MED12L: variants seen among roughly 807,000 people sequenced by gnomAD.
The protein encoded by MED12L is mediator complex subunit 12L.
MED12L carries 60 observed loss-of-function variants against 281.3 expected under a neutral mutation model. That is an observed-to-expected ratio of 0.21 (90% CI 0.17 to 0.26). The LOEUF (loss-of-function observed/expected upper bound fraction) is 0.26, where lower values mean the gene tolerates loss of function less well. MED12L is among the 10% of genes least tolerant of loss of function. The probability of loss-of-function intolerance (pLI) is 1.00; values close to 1 mark genes in which losing one functional copy is unlikely to be tolerated. For synonymous variants in MED12L, 974 were observed against 987.2 expected (o/e 0.99, Z 0.25); for missense variants, 2,146 against 2,680.9 (o/e 0.80, Z 4.41).
intron 11 of MED12L, among the ~76,000 whole-genome samples, chr3:151,183,862 TG>T (rs1722973530): frequency 6.6e-6 from 1 of 152,244 alleles, no homozygotes. Flanking sequence ...AGCATATTAC[TG>T]CTTAGATTAA....
intron 31 of MED12L, among the ~76,000 whole-genome samples, chr3:151,379,687 C>T (rs1267782881): frequency 6.6e-6 from 1 of 152,122 alleles, no homozygotes; most frequent in East Asian, 1.9e-4. Flanking sequence ...GCTCAACAGA[C>T]ATATATATAG....
intron 16 of MED12L, among the ~76,000 whole-genome samples, chr3:151,222,087 G>C (rs1559896725): frequency 6.6e-6 from 1 of 152,228 alleles, no homozygotes; most frequent in Non-Finnish European, 1.5e-5. Context: ...CTGTCCTGCT[G>C]GATTTTGGAC....
At chr3:151,391,222 A>G (rs1714193854) in intron 38 of MED12L, among the ~76,000 whole-genome samples, 1 of 152,206 alleles carries the variant, frequency 6.6e-6, no homozygotes, top group East Asian at 1.9e-4. Context: ...GTAAATTGTA[A>G]TAGTTATATA....
intron 20 of MED12L, 68 bp from the exon 21 acceptor site, chr3:151,360,404 TAA>T (rs1754468456): frequency 1.4e-6 from 2 of 1,429,998 alleles, no homozygotes; most frequent in South Asian, 1.3e-5. Flanking sequence ...ATTTTCATTC[TAA>T]AAGAGTCAAA....
intron 16 of MED12L, among the ~76,000 whole-genome samples, chr3:151,260,112 G>A (rs1160075240): frequency 6.6e-6 from 1 of 152,168 alleles, no homozygotes; most frequent in African/African-American, 2.4e-5. Flanking sequence ...CCATTGGTGG[G>A]CTTAGGGTAG....
chr3:151,374,425 G>C (rs79795513), intron 27 of MED12L, among the ~76,000 whole-genome samples: 9,382 of 152,216 alleles, frequency 0.062, 428 homozygotes, highest in Middle Eastern at 0.18. Flanking sequence ...GCACATGCCT[G>C]TCATCCCAGC....
intron 2 of MED12L, among the ~76,000 whole-genome samples, chr3:151,099,301 C>G (rs1256982574): frequency 6.6e-6 from 1 of 152,186 alleles, no homozygotes; most frequent in African/African-American, 2.4e-5. Context: ...ACTTTCTGCT[C>G]TTGGGAGTCT....
chr3:151,251,619 C>G (rs1577127774), intron 16 of MED12L, among the ~76,000 whole-genome samples: 2 of 152,146 alleles, frequency 1.3e-5, no homozygotes, highest in East Asian at 3.9e-4. Context: ...GATTTGACAC[C>G]TCTTCTTCCA....
At chr3:151,294,966 A>T (rs764066681) in intron 16 of MED12L, 1 of 1,614,030 alleles carries the variant, frequency 6.2e-7, no homozygotes, top group East Asian at 2.2e-5. Context: ...CGAAATGGAA[A>T]TGTCAGCGTC....
chr3:151,288,003 G>T (rs1378507814), intron 16 of MED12L, among the ~76,000 whole-genome samples: 1 of 152,092 alleles, frequency 6.6e-6, no homozygotes, highest in Non-Finnish European at 1.5e-5. Flanking sequence ...TCCCAAATTT[G>T]GTTGGTACCT....
intron 21 of MED12L, among the ~76,000 whole-genome samples, chr3:151,362,071 T>C (rs935614443): frequency 6.6e-6 from 1 of 151,940 alleles, no homozygotes; most frequent in Non-Finnish European, 1.5e-5. Flanking sequence ...GTATCCAGTT[T>C]GTAAATTCTG....
At chr3:151,403,407 A>G (rs1238998191) in intron 39 of MED12L, among the ~76,000 whole-genome samples, 1 of 152,180 alleles carries the variant, frequency 6.6e-6, no homozygotes, top group African/African-American at 2.4e-5. Context: ...AATGCATGGC[A>G]TGCTGATTCA....
rs187603652 is a variant in MED12L at position 151,122,646 on chromosome 3, G to C, written c.205-137G>C. ...GGAAATCACATCTCTTGGCTTCAAA[G>C]ACTTAAATTCCCAATTTATTTTCTG... On this transcript the variant is annotated intron_variant, in intron 3 of 44. Transcript: ENST00000687756. The C allele has an allele frequency of 5.8e-5, 35 of 603,720 alleles. 1 individual carries two copies. Among genetic ancestry groups the C allele is most frequent in the Admixed American group, 5.4e-4 (15 of 27,716 alleles). The allele number at this position is 603,720 out of a possible 1,614,324, so 37.4% of individuals were successfully genotyped here.
intron 39 of MED12L, among the ~76,000 whole-genome samples, chr3:151,403,306 G>C (rs1199287652): frequency 6.6e-6 from 1 of 152,116 alleles, no homozygotes; most frequent in Non-Finnish European, 1.5e-5. Context: ...ACATAGACCA[G>C]TTCGTGCACC....
chr3:151,095,922 A>G (rs1185479513), intron 2 of MED12L, among the ~76,000 whole-genome samples: 2 of 152,182 alleles, frequency 1.3e-5, no homozygotes, highest in Non-Finnish European at 2.9e-5. Flanking sequence ...GCATGTTGAG[A>G]TAAGCATATA....
intron 16 of MED12L, chr3:151,294,496 A>G: frequency 6.2e-7 from 1 of 1,614,194 alleles, no homozygotes; most frequent in Non-Finnish European, 8.5e-7. Flanking sequence ...TGCTCTGGTT[A>G]TGTTTTCGCT....
chr3:151,127,657 A>G (rs1199267120), intron 4 of MED12L, among the ~76,000 whole-genome samples, 168 bp from the exon 5 acceptor site: 3 of 152,188 alleles, frequency 2.0e-5, no homozygotes, highest in Admixed American at 2.0e-4. Flanking sequence ...ATGTTCCTTT[A>G]AAAAAACAAA....
chr3:151,398,186 T>G (rs1476054007), intron 39 of MED12L, among the ~76,000 whole-genome samples: 1 of 152,224 alleles, frequency 6.6e-6, no homozygotes, highest in African/African-American at 2.4e-5. Context: ...CCACACACCC[T>G]TCTCATAGCT....
rs188706479 is a variant in MED12L at position 151,220,207 on chromosome 3, C to T, written c.2250+26541C>T. Among the ~76,000 whole-genome samples, 628 of 150,700 alleles carry T rather than the reference C, an allele frequency of 4.2e-3. 2 individuals carry two copies. Among genetic ancestry groups the T allele is most frequent in the Middle Eastern group, 0.01 (3 of 294 alleles). On this transcript the variant is annotated intron_variant, in intron 16 of 44. Coordinates refer to ENST00000687756, the MANE Select transcript of MED12L (RefSeq NM_001393769.1). Reference sequence around the variant, plus strand: ...AATGTCCTCTGAGGGACAAAATTGCCCTCATTTGATTACCACCAGTGTAAT... The same window carrying T: ...AATGTCCTCTGAGGGACAAAATTGCTCTCATTTGATTACCACCAGTGTAAT...
Sources: gnomAD v4.1 joint callset for allele counts (sites outside exome capture counted in the v4.1 genomes callset) on GRCh38, gnomAD v4.1.1 for gene constraint, MANE v1.5 for transcripts, NCBI Gene and HGNC (gene_info 2026-07-23, HGNC 2026-07-21) for gene names.